TMEM108: variants seen among roughly 807,000 people sequenced by gnomAD.
TMEM108 encodes transmembrane protein 108, also known as cancer/testis antigen 124.
A neutral mutation model predicts 35.1 loss-of-function variants in TMEM108; 12 were observed. The observed-to-expected ratio is 0.34, with a 90% confidence interval of 0.22 to 0.55. The LOEUF is 0.55. Ranked by LOEUF, TMEM108 falls within the 20% of genes least tolerant of loss-of-function variation. The pLI, the probability that TMEM108 is intolerant of heterozygous loss-of-function variation, is 0.89. For synonymous variants in TMEM108, 287 were observed against 308.6 expected, an observed-to-expected ratio of 0.93 and a Z score of 0.73; for missense variants, 680 against 753.3, an observed-to-expected ratio of 0.90 and a Z score of 1.14.
At chr3:133,255,918 G>A (rs1317865146) in intron 3 of TMEM108, among the ~76,000 whole-genome samples, 1 of 152,146 alleles carries the variant, frequency 6.6e-6, no homozygotes, top group East Asian at 1.9e-4. Context: ...GAACCTAGAA[G>A]GCGGAGCTTG....
chr3:133,234,365 A>G (rs1946201117), intron 3 of TMEM108, among the ~76,000 whole-genome samples: 1 of 152,184 alleles, frequency 6.6e-6, no homozygotes, highest in East Asian at 1.9e-4. Flanking sequence ...AATACTGGCA[A>G]ACCAAATCCA....
intron 2 of TMEM108, among the ~76,000 whole-genome samples, chr3:133,163,019 A>G (rs894750187): frequency 6.6e-6 from 1 of 152,164 alleles, no homozygotes; most frequent in Non-Finnish European, 1.5e-5. Context: ...GTCTGCATCT[A>G]AGGAATTTGA....
At chr3:133,223,757 A>C (rs1946027138) in intron 2 of TMEM108, among the ~76,000 whole-genome samples, 1 of 143,840 alleles carries the variant, frequency 7.0e-6, no homozygotes, top group African/African-American at 2.4e-5. Flanking sequence ...AGAGGCAATT[A>C]GGAAATATAA....
chr3:133,066,840 C>T (rs1276379904), intron 2 of TMEM108, among the ~76,000 whole-genome samples: 1 of 152,162 alleles, frequency 6.6e-6, no homozygotes, highest in African/African-American at 2.4e-5. Flanking sequence ...AATTAGTACA[C>T]TAAAATTTGC....
chr3:133,178,560 A>G (rs959590194), intron 2 of TMEM108, among the ~76,000 whole-genome samples: 1 of 152,198 alleles, frequency 6.6e-6, no homozygotes, highest in African/African-American at 2.4e-5. Flanking sequence ...CAATGGGGAA[A>G]GGATTCCCTA....
intron 3 of TMEM108, among the ~76,000 whole-genome samples, chr3:133,322,900 G>A (rs2071284617): frequency 6.6e-6 from 1 of 151,748 alleles, no homozygotes; most frequent in African/African-American, 2.4e-5. Flanking sequence ...CACATAAACA[G>A]AATTAAAAAT....
intron 3 of TMEM108, among the ~76,000 whole-genome samples, chr3:133,307,242 G>C (rs1427060506): frequency 6.6e-6 from 1 of 152,076 alleles, no homozygotes; most frequent in Non-Finnish European, 1.5e-5. Flanking sequence ...TTGTAAATTT[G>C]TTTAAGTTCT....
chr3:133,256,600 C>A (rs1476611455), intron 3 of TMEM108, among the ~76,000 whole-genome samples: 1 of 152,130 alleles, frequency 6.6e-6, no homozygotes, highest in East Asian at 1.9e-4. Context: ...TATCAATTAA[C>A]TTAGGCATAG....
chr3:133,090,459 T>C (rs1943934352), intron 2 of TMEM108, among the ~76,000 whole-genome samples: 1 of 152,244 alleles, frequency 6.6e-6, no homozygotes, highest in South Asian at 2.1e-4. Flanking sequence ...CTTGTATCTT[T>C]AGGATTCTTT....
intron 2 of TMEM108, among the ~76,000 whole-genome samples, chr3:133,123,626 C>T (rs563609952): frequency 6.6e-6 from 1 of 152,304 alleles, no homozygotes; most frequent in East Asian, 1.9e-4. Flanking sequence ...TGTGTCATCA[C>T]TGAAATAGGA....
chr3:133,293,659 T>C (rs1947103778), intron 3 of TMEM108, among the ~76,000 whole-genome samples: 1 of 152,138 alleles, frequency 6.6e-6, no homozygotes, highest in Admixed American at 6.5e-5. Context: ...GTGGTTTTGC[T>C]GGCTAACTCG....
rs925224761 is a variant in TMEM108, at chr3:133,338,584, A to G, written c.41-41168A>G. Among the ~76,000 whole-genome samples, 4 of 152,266 alleles carry G rather than the reference A, an allele frequency of 2.6e-5. No individual in the cohort carries two copies. In the South Asian group the frequency reaches 8.3e-4, roughly 32 times the overall value. On this transcript the variant is annotated intron_variant, in intron 3 of 5. Transcript: ENST00000321871. ...GTTCTTCAATCAGAAAGAAAATGAC[A>G]TTAATGAACAATAAGACATCATCTG...
At chr3:133,335,972 G>A in intron 3 of TMEM108, among the ~76,000 whole-genome samples, 1 of 152,180 alleles carries the variant, frequency 6.6e-6, no homozygotes, top group East Asian at 1.9e-4. Flanking sequence ...GCAAAACTGG[G>A]CTGAACTTAG....
Position 133,381,176 on chromosome 3 carries a change from C to T in TMEM108, c.1450+15C>T. On this transcript the variant is annotated intron_variant, in intron 4 of 5. Coordinates refer to ENST00000321871, the MANE Select transcript of TMEM108 (RefSeq NM_023943.4). ...CTCCTCCTGCTGTAAGTGCCGCCCTCTCCCACCCATCCTCTCCCTCTACCA... is the reference window on the plus strand; with the variant it reads ...CTCCTCCTGCTGTAAGTGCCGCCCTTTCCCACCCATCCTCTCCCTCTACCA... The T allele has an allele frequency of 6.3e-7, 1 of 1,575,118 alleles. No homozygotes were observed. The highest frequency in any genetic ancestry group is 8.6e-7 in the Non-Finnish European group (1 of 1,156,304).
At chr3:133,086,806 T>C (rs1198004285) in intron 2 of TMEM108, among the ~76,000 whole-genome samples, 2 of 152,222 alleles carry the variant, frequency 1.3e-5, no homozygotes, top group Non-Finnish European at 2.9e-5. Flanking sequence ...TTGTCCACTA[T>C]GGTGTAGTTT....
chr3:133,140,860 A>G (rs933429317), intron 2 of TMEM108, among the ~76,000 whole-genome samples: 3 of 152,144 alleles, frequency 2.0e-5, no homozygotes, highest in Non-Finnish European at 2.9e-5. Context: ...CTAATTTTTA[A>G]TAATTATATA....
chr3:133,362,754 G>T (rs1438166032), intron 3 of TMEM108, among the ~76,000 whole-genome samples: 1 of 152,184 alleles, frequency 6.6e-6, no homozygotes, highest in African/African-American at 2.4e-5. Context: ...CTGAGCTCTT[G>T]CTGCTTCTCT....
At chr3:133,349,348 T>G (rs2071920246) in intron 3 of TMEM108, among the ~76,000 whole-genome samples, 1 of 152,030 alleles carries the variant, frequency 6.6e-6, no homozygotes, top group Non-Finnish European at 1.5e-5. Context: ...AAGGGATTAT[T>G]TAAAATAGTA....
intron 2 of TMEM108, among the ~76,000 whole-genome samples, chr3:133,147,894 A>T (rs769569945): frequency 6.6e-6 from 1 of 151,884 alleles, no homozygotes; most frequent in Non-Finnish European, 1.5e-5. Context: ...ATTTTAATGC[A>T]TATTTGGATA....
Sources: allele counts gnomAD v4.1 joint callset (sites outside exome capture counted in the v4.1 genomes callset), GRCh38; gene constraint gnomAD v4.1.1; transcripts MANE v1.5; gene names NCBI Gene and HGNC (gene_info 2026-07-23, HGNC 2026-07-21).